Variants in TRPM4 observed in about 807,000 individuals in gnomAD.
TRPM4 encodes calcium-activated non-selective cation channel 1.
In TRPM4, 124 loss-of-function variants were observed where a neutral mutation model predicts 135.6. That is an observed-to-expected ratio of 0.91 (90% confidence interval 0.79 to 1.06). The LOEUF (loss-of-function observed/expected upper bound fraction) is 1.06, where lower values mean the gene tolerates loss of function less well. Among genes scored for constraint, TRPM4 ranks in the 50% least tolerant of loss-of-function variants. TRPM4 has a pLI of 0.00. For missense variants in TRPM4, 1,658 were observed against 1,671.4 expected, an observed-to-expected ratio of 0.99 and a Z score of 0.14; for synonymous variants, 745 against 705.6, an observed-to-expected ratio of 1.06 and a Z score of -0.88.
intron 17 of TRPM4, 36 bp from the exon 18 acceptor site, chr19:49,200,264 G>A (rs748426616): frequency 1.9e-6 from 3 of 1,613,966 alleles, no homozygotes; most frequent in African/African-American, 1.3e-5. Context: ...GGCGTCTTGT[G>A]ACACTTGACC....
At chr19:49,175,526 G>A (rs1347975758) in intron 9 of TRPM4, among the ~76,000 whole-genome samples, 2 of 151,272 alleles carry the variant, frequency 1.3e-5, no homozygotes, top group Admixed American at 1.3e-4. Flanking sequence ...ATTTTACGGG[G>A]GAAATACACA....
At chr19:49,189,696 A>G (rs921485571) in intron 14 of TRPM4, among the ~76,000 whole-genome samples, 1 of 152,112 alleles carries the variant, frequency 6.6e-6, no homozygotes, top group African/African-American at 2.4e-5. Flanking sequence ...TTTAGTTTAA[A>G]TCTGACAGGG....
At chr19:49,196,020 G>A (rs1331932403) in intron 16 of TRPM4, among the ~76,000 whole-genome samples, 2 of 151,416 alleles carry the variant, frequency 1.3e-5, no homozygotes, top group African/African-American at 2.4e-5. Context: ...CACCAGACCC[G>A]GCTAATTTTT....
In TRPM4 at chr19:49,185,939, C is replaced by T. The variant is rs181322257; in HGVS notation, c.1744-2702C>T. Among the ~76,000 whole-genome samples the T allele has an allele frequency of 1.3e-3, 201 of 152,106 alleles. No homozygotes were observed. The Middle Eastern group carries it at 0.024, about 18-fold the overall frequency. ...CTAATTTTTGTATTTTTCATAGAGA[C>T]GGGGTTTCACCATGTTAGCCAGGCT... is the stretch of plus-strand genomic sequence containing the variant. On this transcript the variant is annotated intron_variant, in intron 12 of 24. Coordinates refer to ENST00000252826, the MANE Select transcript of TRPM4 (RefSeq NM_017636.4).
intron 20 of TRPM4, among the ~76,000 whole-genome samples, chr19:49,204,287 C>T (rs1210016603): frequency 1.3e-5 from 2 of 152,138 alleles, no homozygotes; most frequent in African/African-American, 4.8e-5. Context: ...AGTGGAATTC[C>T]TCGGTCATGT....
Position 49,210,611 on chromosome 19 carries a change from G to A in TRPM4, c.3329-99G>A, listed in dbSNP as rs76193804. 75,406 of 1,577,758 alleles carry A rather than the reference G, an allele frequency of 0.048. 2,272 individuals carry two copies. Among genetic ancestry groups the A allele is most frequent in the Non-Finnish European group, 0.058 (66,218 of 1,150,890 alleles). Reference sequence around the variant, plus strand: ...GCATGTTCTCGAATCACCAGGGGCTGGGTCTGGGATAGCGTGCGTGTTCTG... The same window carrying A: ...GCATGTTCTCGAATCACCAGGGGCTAGGTCTGGGATAGCGTGCGTGTTCTG... On this transcript the variant is annotated intron_variant, in intron 21 of 24. Transcript: ENST00000252826. The surrounding 1 kb of genome is among the most constrained non-coding windows in gnomAD (Gnocchi z 4.1).
intron 20 of TRPM4, among the ~76,000 whole-genome samples, chr19:49,206,116 A>G (rs1356538812): frequency 6.6e-6 from 1 of 151,618 alleles, no homozygotes; most frequent in Non-Finnish European, 1.5e-5. Flanking sequence ...ACCTGCCACC[A>G]CGCCCGGCTA....
chr19:49,207,664 T>C (rs919193304), intron 20 of TRPM4, among the ~76,000 whole-genome samples: 7 of 121,948 alleles, frequency 5.7e-5, no homozygotes, highest in South Asian at 5.1e-4. Context: ...AAAAAAGCCA[T>C]GCATGGTGGC....
At chr19:49,189,158 C>T in intron 14 of TRPM4, 67 bp downstream of exon 14, 1 of 1,604,322 alleles carries the variant, frequency 6.2e-7, no homozygotes, top group Non-Finnish European at 8.5e-7. Context: ...TGGGGATGAG[C>T]CCCTGCCATT....
chr19:49,200,286 T>C lies in TRPM4; in HGVS notation c.2646-14T>C. 1 of 1,614,094 alleles carries C rather than the reference T, an allele frequency of 6.2e-7. No individual in the cohort carries two copies. The highest frequency in any genetic ancestry group is 8.5e-7 in the Non-Finnish European group (1 of 1,180,022). On this transcript the variant is annotated splice_polypyrimidine_tract_variant and intron_variant, in intron 17 of 24. Transcript: ENST00000252826. ...TGTGACACTTGACCCTTGTGGCATC[T>C]CCCCACACCCCAGGCTGACCCCGGG...
intron 20 of TRPM4, among the ~76,000 whole-genome samples, chr19:49,204,473 G>T (rs1459610954): frequency 6.6e-6 from 1 of 152,012 alleles, no homozygotes; most frequent in East Asian, 1.9e-4. Context: ...AGTGGCTCAT[G>T]CCTGTAATCC....
At chr19:49,176,735 C>T (rs1314644232) in intron 9 of TRPM4, among the ~76,000 whole-genome samples, 1 of 152,174 alleles carries the variant, frequency 6.6e-6, no homozygotes, top group African/African-American at 2.4e-5. Context: ...CCTGTAATCC[C>T]AACTAGTTGG....
At chr19:49,192,965 C>T (rs565965260) in intron 16 of TRPM4, among the ~76,000 whole-genome samples, 2 of 152,084 alleles carry the variant, frequency 1.3e-5, no homozygotes, top group South Asian at 4.2e-4. Context: ...TGGTGTCCTT[C>T]CCTAGCAATT....
chr19:49,157,964 C>G, intron 1 of TRPM4, 74 bp downstream of exon 1: 8 of 1,488,388 alleles, frequency 5.4e-6, no homozygotes, highest in Non-Finnish European at 7.2e-6. Flanking sequence ...GAGGAGGGCG[C>G]TGGACACCCA....
rs2041539998 is a variant in TRPM4 at position 49,157,832 on chromosome 19, C to A, written c.-35C>A. On this transcript the variant is annotated 5_prime_UTR_variant, in exon 1 of 25. Coordinates refer to ENST00000252826, the MANE Select transcript of TRPM4 (RefSeq NM_017636.4). ...GAGCCGGCGGAGGGAGCGCCGGGGC[C>A]CTGGGCTGCAGGAGGTTGCGGCGGC... 2.0e-6 allele frequency: 3 copies of A among 1,534,062 alleles called. No homozygotes were observed. Among genetic ancestry groups the A allele is most frequent in the Non-Finnish European group, 2.6e-6 (3 of 1,145,986 alleles).
At chr19:49,182,064 C>T (rs1967952576) in intron 10 of TRPM4, among the ~76,000 whole-genome samples, 1 of 137,490 alleles carries the variant, frequency 7.3e-6, no homozygotes, top group South Asian at 2.4e-4. Context: ...ATTTATCCAT[C>T]CATCCATCCA....
Position 49,170,761 on chromosome 19 carries a change from C to T in TRPM4, c.797-596C>T, listed in dbSNP as rs918622. On this transcript the variant is annotated intron_variant, in intron 6 of 24. Transcript: ENST00000252826. ...AGTTAAGCATTACTGTCTTCAAAATCTAGCTCCCTCCTGAAGTGTCCAAAG... is the reference window on the plus strand; with the variant it reads ...AGTTAAGCATTACTGTCTTCAAAATTTAGCTCCCTCCTGAAGTGTCCAAAG... Among the ~76,000 whole-genome samples the T allele has an allele frequency of 9.3e-3, 1,420 of 152,238 alleles. 64 individuals carry two copies. In the East Asian group the frequency reaches 0.12, roughly 13 times the overall value.
At chr19:49,201,074 G>A (rs1209660884) in intron 19 of TRPM4, among the ~76,000 whole-genome samples, 6 of 149,244 alleles carry the variant, frequency 4.0e-5, no homozygotes, top group Non-Finnish European at 3.0e-5. Flanking sequence ...AATAGTACTT[G>A]AACATAAATT....
intron 2 of TRPM4, chr19:49,158,539 C>T (rs2041563695): frequency 4.2e-6 from 2 of 477,734 alleles, no homozygotes; most frequent in Non-Finnish European, 7.5e-6. Flanking sequence ...TCTGTCTCTT[C>T]GTGTCACTTT....
Sources: allele counts gnomAD v4.1 joint callset (sites outside exome capture counted in the v4.1 genomes callset), GRCh38; gene constraint gnomAD v4.1.1; non-coding constraint Gnocchi (gnomAD v3.1); transcripts MANE v1.5; gene names NCBI Gene and HGNC (gene_info 2026-07-23, HGNC 2026-07-21).